Variants in NLGN1 observed in about 807,000 individuals in gnomAD.
NLGN1 encodes the protein neuroligin-1.
NLGN1 carries 12 observed loss-of-function variants against 65.5 expected under a neutral mutation model. The observed-to-expected ratio is 0.18, with a 90% CI of 0.12 to 0.30. The LOEUF is 0.30. Among genes scored for constraint, NLGN1 ranks in the 10% least tolerant of loss-of-function variants. NLGN1 has a pLI of 1.00. For synonymous variants in NLGN1, 350 were observed against 359.5 expected, an observed-to-expected ratio of 0.97 and a Z score of 0.30; for missense variants, 750 against 1,007.1, an observed-to-expected ratio of 0.74 and a Z score of 3.46.
chr3:174,076,122 G>C (rs1239517787), intron 4 of NLGN1, among the ~76,000 whole-genome samples: 2 of 151,906 alleles, frequency 1.3e-5, no homozygotes, highest in East Asian at 3.9e-4. Context: ...TTGACCAGTG[G>C]TTTTAAAGCA....
chr3:173,669,832 A>G (rs1160653468), intron 3 of NLGN1, among the ~76,000 whole-genome samples: 1 of 152,206 alleles, frequency 6.6e-6, no homozygotes, highest in Admixed American at 6.6e-5. Context: ...CCCACCATTC[A>G]AATACTGGGC....
intron 2 of NLGN1, among the ~76,000 whole-genome samples, chr3:173,582,582 A>T (rs1395095021): frequency 6.6e-6 from 1 of 152,034 alleles, no homozygotes; most frequent in Non-Finnish European, 1.5e-5. Context: ...TGCTTATTGG[A>T]CATTGAGAAT....
intron 4 of NLGN1, among the ~76,000 whole-genome samples, chr3:173,834,670 C>G (rs958047): frequency 0.11 from 16,012 of 152,122 alleles, 864 homozygotes; most frequent in Middle Eastern, 0.17. Flanking sequence ...AACTCTTACA[C>G]CATGCAATCA....
chr3:174,024,971 A>G (rs1248415364), intron 4 of NLGN1, among the ~76,000 whole-genome samples: 5 of 152,172 alleles, frequency 3.3e-5, no homozygotes, highest in Non-Finnish European at 7.3e-5. Context: ...AATCACACTC[A>G]TCATTTTTCA....
At chr3:173,694,784 T>G (rs935372943) in intron 3 of NLGN1, among the ~76,000 whole-genome samples, 2 of 152,180 alleles carry the variant, frequency 1.3e-5, no homozygotes, top group Non-Finnish European at 2.9e-5. Context: ...TGCAATTTTG[T>G]GTTGCCTTTT....
At chr3:174,154,906 TA>T (rs986609927) in intron 4 of NLGN1, among the ~76,000 whole-genome samples, 9 of 104,316 alleles carry the variant, frequency 8.6e-5, no homozygotes, top group Non-Finnish European at 9.4e-5. Flanking sequence ...ATTTTCATTT[TA>T]TATTAAGATA....
chr3:173,907,024 G>T (rs1016553336), intron 4 of NLGN1, among the ~76,000 whole-genome samples: 1 of 151,960 alleles, frequency 6.6e-6, no homozygotes, highest in South Asian at 2.1e-4. Context: ...GCATTTTCCT[G>T]CAAGAAACAG....
exon 7 of NLGN1, chr3:174,285,583 C>G (rs957840429): frequency 3.8e-4 from 58 of 151,632 alleles, no homozygotes; most frequent in African/African-American, 1.4e-3. Flanking sequence ...TCAGAAGTCT[C>G]TAAAGAAATT....
chr3:174,004,166 A>G (rs1251310678), intron 4 of NLGN1, among the ~76,000 whole-genome samples: 1 of 152,178 alleles, frequency 6.6e-6, no homozygotes, highest in Non-Finnish European at 1.5e-5. Context: ...CAATTTGTGT[A>G]GCCCAAAGAT....
chr3:173,549,384 A>C (rs186637775), intron 2 of NLGN1, among the ~76,000 whole-genome samples: 234 of 152,170 alleles, frequency 1.5e-3, no homozygotes, highest in Non-Finnish European at 2.8e-3. Context: ...TTGTATGGCT[A>C]CATAATAGGT....
chr3:173,834,095 T>C (rs1723131633), intron 4 of NLGN1, among the ~76,000 whole-genome samples: 3 of 152,348 alleles, frequency 2.0e-5, no homozygotes, highest in African/African-American at 7.2e-5. Context: ...CATGTTTTTC[T>C]TAATTGGTAG....
chr3:173,876,667 G>T (rs1732161892), intron 4 of NLGN1, among the ~76,000 whole-genome samples: 1 of 151,890 alleles, frequency 6.6e-6, no homozygotes, highest in Non-Finnish European at 1.5e-5. Flanking sequence ...AGAAAAATGG[G>T]GCATTTCAAA....
At chr3:173,765,706 A>G (rs556920221) in intron 3 of NLGN1, among the ~76,000 whole-genome samples, 4 of 152,292 alleles carry the variant, frequency 2.6e-5, no homozygotes, top group East Asian at 1.9e-4. Flanking sequence ...CATTGCCACC[A>G]TGCAGAGCCT....
Position 174,265,845 on chromosome 3 carries a change from CTTAG to C in NLGN1, c.647-9467_647-9464del, listed in dbSNP as rs549386548. Among the ~76,000 whole-genome samples, 817 of 144,628 alleles carry C rather than the reference CTTAG, an allele frequency of 5.6e-3. 11 individuals are homozygous for C. Among genetic ancestry groups the C allele is most frequent in the African/African-American group, 0.019 (765 of 39,334 alleles). The allele number at this position is 144,628 out of a possible 152,430, so 94.9% of individuals were successfully genotyped here. On this transcript the variant is annotated intron_variant, in intron 4 of 6. Coordinates refer to ENST00000457714, the Ensembl canonical transcript of NLGN1. ...AACATCTATATATATATGTTGTCCTCTTAGTTTTAGGTAAAGAGTATTTTGTTAT... is the reference window on the plus strand; with the variant it reads ...AACATCTATATATATATGTTGTCCTCTTTTAGGTAAAGAGTATTTTGTTAT...
chr3:173,945,073 A>G (rs985961902), intron 4 of NLGN1, among the ~76,000 whole-genome samples: 6 of 151,982 alleles, frequency 3.9e-5, no homozygotes, highest in South Asian at 2.1e-4. Context: ...CTTTCTTCCA[A>G]TCTGGGCTTC....
At chr3:173,641,890 A>G (rs997776505) in intron 3 of NLGN1, among the ~76,000 whole-genome samples, 3 of 152,082 alleles carry the variant, frequency 2.0e-5, no homozygotes, top group East Asian at 3.9e-4. Context: ...TCACACTACA[A>G]TGGCGGAGTT....
At chr3:173,928,886 G>A (rs1743520065) in intron 4 of NLGN1, among the ~76,000 whole-genome samples, 1 of 151,834 alleles carries the variant, frequency 6.6e-6, no homozygotes, top group African/African-American at 2.4e-5. Context: ...GACTAGGCTG[G>A]TGTTGAACTG....
rs767169071 is a variant in NLGN1 at position 174,280,467 on chromosome 3, C to T, written c.1650-14C>T. 7 of 1,537,816 alleles carry T rather than the reference C, an allele frequency of 4.6e-6. No homozygotes were observed. Among genetic ancestry groups the T allele is most frequent in the Non-Finnish European group, 6.2e-6 (7 of 1,134,372 alleles). Reference sequence around the variant, plus strand: ...AAATAGCTTTATTCTCATAATTTATCTTTTCCTTCTTAGTGACCCAAATCA... The same window carrying T: ...AAATAGCTTTATTCTCATAATTTATTTTTTCCTTCTTAGTGACCCAAATCA... On this transcript the variant is annotated splice_polypyrimidine_tract_variant and intron_variant, in intron 6 of 6. Transcript: ENST00000457714. The surrounding 1 kb of genome is among the most constrained non-coding windows in gnomAD (Gnocchi z 4.9).
intron 4 of NLGN1, among the ~76,000 whole-genome samples, chr3:174,007,542 T>G (rs1177515661): frequency 6.6e-6 from 1 of 152,200 alleles, no homozygotes; most frequent in Admixed American, 6.5e-5. Flanking sequence ...AATATTTAGT[T>G]TATATCCTTA....
Sources: gnomAD v4.1 joint callset for allele counts (sites outside exome capture counted in the v4.1 genomes callset) on GRCh38, gnomAD v4.1.1 for gene constraint, Gnocchi (gnomAD v3.1) non-coding constraint, MANE v1.5 for transcripts, NCBI Gene and HGNC (gene_info 2026-07-23, HGNC 2026-07-21) for gene names.